Variants in ZEB1 observed in about 807,000 individuals in gnomAD.
The protein encoded by ZEB1 is zinc finger E-box-binding homeobox 1.
Under a neutral mutation model 84.9 loss-of-function variants are expected in ZEB1, and 21 were observed. That is an observed-to-expected ratio of 0.25 (90% CI 0.18 to 0.36). The LOEUF is 0.36. ZEB1 is among the 10% of genes least tolerant of loss of function. The pLI, the probability that ZEB1 is intolerant of heterozygous loss-of-function variation, is 1.00. For missense variants in ZEB1, 1,104 were observed against 1,330.2 expected (o/e 0.83, Z 2.65); for synonymous variants, 420 against 471.1 (o/e 0.89, Z 1.41).
At chr10:31,397,018 TA>T (rs1363967258) in intron 1 of ZEB1, among the ~76,000 whole-genome samples, 15 of 149,456 alleles carry the variant, frequency 1.0e-4, no homozygotes, top group South Asian at 2.1e-4. Flanking sequence ...TTATTATTAT[TA>T]TTTTTTTTTT....
At chr10:31,514,457 T>A (rs1348434969) in intron 5 of ZEB1, 146 bp from the exon 6 acceptor site, 1 of 662,338 alleles carries the variant, frequency 1.5e-6, no homozygotes, top group Non-Finnish European at 2.6e-6. Flanking sequence ...AGAGTTAGAT[T>A]TTTGTGACTG....
intron 1 of ZEB1, among the ~76,000 whole-genome samples, chr10:31,457,467 A>G (rs2061366349): frequency 6.6e-6 from 1 of 152,116 alleles, no homozygotes; most frequent in Admixed American, 6.6e-5. Flanking sequence ...ATCTTGGAAA[A>G]TAGTTATCGG....
chr10:31,407,423 C>T (rs941508257), intron 1 of ZEB1, among the ~76,000 whole-genome samples: 6 of 151,816 alleles, frequency 4.0e-5, no homozygotes, highest in South Asian at 2.1e-4. Flanking sequence ...AAGGACATGA[C>T]CTCATCATTT....
chr10:31,382,890 A>G (rs924022775), intron 1 of ZEB1, among the ~76,000 whole-genome samples: 5 of 152,096 alleles, frequency 3.3e-5, no homozygotes, highest in Non-Finnish European at 7.4e-5. Flanking sequence ...GAAAGTAAAG[A>G]CACATGAATA....
chr10:31,483,460 T>C (rs1565069202), intron 2 of ZEB1, among the ~76,000 whole-genome samples: 1 of 152,020 alleles, frequency 6.6e-6, no homozygotes, highest in Non-Finnish European at 1.5e-5. Flanking sequence ...ACATATACAT[T>C]AAATATGATA....
At chr10:31,319,064 C>A, upstream of ZEB1, 1 of 655,304 alleles carries the variant, frequency 1.5e-6, no homozygotes, top group South Asian at 1.7e-5. Context: ...CAACAAGGTT[C>A]CGGCCGTAGA....
At chr10:31,389,010 A>G (rs778808003) in intron 1 of ZEB1, among the ~76,000 whole-genome samples, 8 of 152,134 alleles carry the variant, frequency 5.3e-5, no homozygotes, top group Non-Finnish European at 8.8e-5. Flanking sequence ...ATGATAGTAC[A>G]TATTTTAGCA....
rs2073755868 is a variant in ZEB1, at chr10:31,527,737, TTA to T, written c.*475_*476del. The T allele has an allele frequency of 6.2e-6, 1 of 161,930 alleles. No individual in the cohort carries two copies. The highest frequency in any genetic ancestry group is 1.4e-5 in the Non-Finnish European group (1 of 73,066). The allele number at this position is 161,930 out of a possible 1,614,324, so 10.0% of individuals were successfully genotyped here. On this transcript the variant is annotated 3_prime_UTR_variant, in exon 9 of 9. Transcript: ENST00000424869. ...ATGCTAAATCCGCTTCAGTATTTTATTATGTTTTTTAAAATGTGAGAACTTCT... is the reference window on the plus strand; with the variant it reads ...ATGCTAAATCCGCTTCAGTATTTTATTGTTTTTTAAAATGTGAGAACTTCT...
At chr10:31,435,524 G>A (rs1225012001) in intron 1 of ZEB1, among the ~76,000 whole-genome samples, 1 of 152,136 alleles carries the variant, frequency 6.6e-6, no homozygotes, top group African/African-American at 2.4e-5. Flanking sequence ...GATAAAGCAT[G>A]TTGGTTTAGG....
At position 31,348,535 on chromosome 10, in the gene ZEB1, G is replaced by T. The variant is rs1360761594; in HGVS notation, c.58+29243G>T. Reference sequence around the variant, plus strand: ...GCTGAGATTGCACCATTGCATTCCAGCCTGGGTGACAGAGTGAGACTCGGT... The same window carrying T: ...GCTGAGATTGCACCATTGCATTCCATCCTGGGTGACAGAGTGAGACTCGGT... On this transcript the variant is annotated intron_variant, in intron 1 of 8. Coordinates refer to ENST00000424869, the MANE Select transcript of ZEB1 (RefSeq NM_001174096.2). 3.9e-5 allele frequency among the ~76,000 whole-genome samples: 6 copies of T among 152,118 alleles called. No individual in the cohort carries two copies. The South Asian group carries it at 1.0e-3, about 26-fold the overall frequency.
chr10:31,356,078 T>C (rs1232790193), intron 1 of ZEB1, among the ~76,000 whole-genome samples: 1 of 152,148 alleles, frequency 6.6e-6, no homozygotes, highest in African/African-American at 2.4e-5. Context: ...TTAATAGTAT[T>C]GTTATTGTTC....
intron 2 of ZEB1, among the ~76,000 whole-genome samples, chr10:31,469,290 A>G (rs1490985027): frequency 6.6e-6 from 1 of 152,254 alleles, no homozygotes; most frequent in Non-Finnish European, 1.5e-5. Context: ...CTGCATTTCC[A>G]TCTGAGGTAC....
chr10:31,392,603 T>C (rs2135272352), intron 1 of ZEB1, among the ~76,000 whole-genome samples: 1 of 152,148 alleles, frequency 6.6e-6, no homozygotes, highest in East Asian at 1.9e-4. Context: ...ATGAAGGAAA[T>C]ATTATTTTTT....
chr10:31,394,809 A>G (rs2050400716), intron 1 of ZEB1, among the ~76,000 whole-genome samples: 1 of 152,186 alleles, frequency 6.6e-6, no homozygotes, highest in Non-Finnish European at 1.5e-5. Flanking sequence ...GGAGGGTGTG[A>G]ATTTAGTAAG....
At chr10:31,337,749 A>G (rs1475494131) in intron 1 of ZEB1, among the ~76,000 whole-genome samples, 1 of 139,850 alleles carries the variant, frequency 7.2e-6, no homozygotes, top group Non-Finnish European at 1.5e-5. Flanking sequence ...GCAATGGCGC[A>G]ATCTCGGCTC....
upstream of ZEB1, chr10:31,318,516 T>A (rs2032808474): frequency 6.5e-6 from 1 of 153,162 alleles, no homozygotes; most frequent in African/African-American, 2.4e-5. Flanking sequence ...CCATCCCGGT[T>A]CGCTTGGGGG....
intron 1 of ZEB1, among the ~76,000 whole-genome samples, chr10:31,351,944 C>G (rs1287156945): frequency 1.3e-5 from 2 of 152,050 alleles, no homozygotes; most frequent in Admixed American, 1.3e-4. Context: ...CTAAATAAGA[C>G]AAAACATTAT....
In ZEB1 at chr10:31,413,214, C is replaced by G. The variant is rs778237159; in HGVS notation, c.59-47823C>G. ...CTAAAACATACAACATTAGTATAGACATATAGAAGGATCTGCAAGCAACTA... is the reference window on the plus strand; with the variant it reads ...CTAAAACATACAACATTAGTATAGAGATATAGAAGGATCTGCAAGCAACTA... On this transcript the variant is annotated intron_variant, in intron 1 of 8. Coordinates refer to ENST00000424869, the MANE Select transcript of ZEB1 (RefSeq NM_001174096.2). Among the ~76,000 whole-genome samples the G allele has an allele frequency of 2.4e-4, 37 of 152,076 alleles. 1 individual carries two copies. Among genetic ancestry groups the G allele is most frequent in the Non-Finnish European group, 4.9e-4 (33 of 68,018 alleles).
At chr10:31,504,744 T>C (rs756967190) in intron 4 of ZEB1, among the ~76,000 whole-genome samples, 17 of 152,046 alleles carry the variant, frequency 1.1e-4, no homozygotes, top group Non-Finnish European at 2.1e-4. Context: ...TCTTGATTTA[T>C]TTCTCGTCTA....
Sources: gnomAD v4.1 joint callset for allele counts (sites outside exome capture counted in the v4.1 genomes callset) on GRCh38, gnomAD v4.1.1 for gene constraint, MANE v1.5 for transcripts, NCBI Gene and HGNC (gene_info 2026-07-23, HGNC 2026-07-21) for gene names.